PCDHA4: variants seen among roughly 807,000 people sequenced by gnomAD.
PCDHA4 encodes protocadherin alpha 4.
Under a neutral mutation model 61.4 loss-of-function variants are expected in PCDHA4, and 49 were observed. The ratio of observed to expected loss-of-function variants is 0.80; its 90% CI spans 0.63 to 1.01. The LOEUF (loss-of-function observed/expected upper bound fraction) is 1.01, where lower values mean the gene tolerates loss of function less well. Ranked by LOEUF, PCDHA4 falls within the 50% of genes least tolerant of loss-of-function variation. PCDHA4 has a pLI of 0.00. For missense variants in PCDHA4, 1,254 were observed against 1,235.8 expected (o/e 1.01, Z -0.22); for synonymous variants, 590 against 550.3 (o/e 1.07, Z -1.01).
Position 140,856,641 on chromosome 5 carries a change from T to G in PCDHA4, c.2385+47069T>G, listed in dbSNP as rs1554148950. On this transcript the variant is annotated intron_variant, in intron 1 of 3. Coordinates refer to ENST00000530339, the MANE Select transcript of PCDHA4 (RefSeq NM_018907.4). ...TTCCCAGTGCTTGTTCTGCGGAAGC[T>G]GCTGGATCGTGAAGAAAATCCTCAG... 4.4e-6 allele frequency: 7 copies of G among 1,598,334 alleles called. 1 individual carries two copies. The highest frequency in any genetic ancestry group is 5.1e-6 in the Non-Finnish European group (6 of 1,167,764).
chr5:140,984,969 G>A (rs1045140349), intron 3 of PCDHA4, among the ~76,000 whole-genome samples: 8 of 151,670 alleles, frequency 5.3e-5, no homozygotes, highest in South Asian at 2.1e-4. Context: ...ACAGAGTCTC[G>A]CTCTGTCCCC....
chr5:140,957,254 A>T (rs2095344725), intron 1 of PCDHA4, among the ~76,000 whole-genome samples: 1 of 152,192 alleles, frequency 6.6e-6, no homozygotes, highest in Non-Finnish European at 1.5e-5. Flanking sequence ...TAAAATTTAA[A>T]TATGTAAGCA....
intron 3 of PCDHA4, among the ~76,000 whole-genome samples, chr5:141,003,459 GCAC>G (rs1442979686): frequency 6.6e-6 from 1 of 152,028 alleles, no homozygotes; most frequent in African/African-American, 2.4e-5. Context: ...TTACAGGCGT[GCAC>G]CACCACAGTC....
At chr5:140,835,658 T>G (rs2150240988) in intron 1 of PCDHA4, 43 of 1,613,884 alleles carry the variant, frequency 2.7e-5, no homozygotes, top group African/African-American at 2.3e-4. Context: ...AGCTGGTGGT[T>G]ACCGCGCGGG....
intron 1 of PCDHA4, chr5:140,884,155 C>G: frequency 6.2e-7 from 1 of 1,613,430 alleles, no homozygotes; most frequent in Non-Finnish European, 8.5e-7. Context: ...TGTACACTGG[C>G]GAGATCAGCA....
At chr5:140,827,617 C>G (rs2150148430) in intron 1 of PCDHA4, among the ~76,000 whole-genome samples, 1 of 152,176 alleles carries the variant, frequency 6.6e-6, no homozygotes, top group Non-Finnish European at 1.5e-5. Context: ...TTCTTTTCTA[C>G]CAAGAGTGTA....
chr5:140,882,261 AGTGTACCATGCT>A (rs1554173264), intron 1 of PCDHA4: 1 of 1,604,356 alleles, frequency 6.2e-7, no homozygotes, highest in Non-Finnish European at 8.5e-7. Flanking sequence ...AGGTTTTTGG[AGTGTACCATGCT>A]GTCTTCCTGG....
intron 1 of PCDHA4, among the ~76,000 whole-genome samples, chr5:140,887,198 G>T (rs1276345927): frequency 6.6e-6 from 1 of 151,492 alleles, no homozygotes; most frequent in Admixed American, 6.6e-5. Flanking sequence ...CCGGGTTCAC[G>T]CCATTCTCCT....
At chr5:140,912,864 T>C (rs1483499385) in intron 1 of PCDHA4, among the ~76,000 whole-genome samples, 1 of 152,212 alleles carries the variant, frequency 6.6e-6, no homozygotes, top group East Asian at 1.9e-4. Context: ...TGAAATGATA[T>C]ATGGTTTTTG....
At chr5:140,815,485 A>C (rs1296934690) in intron 1 of PCDHA4, 1 of 151,992 alleles carries the variant, frequency 6.6e-6, no homozygotes, top group Admixed American at 6.6e-5. Flanking sequence ...TCCCCTACCC[A>C]AATTTTATGT....
chr5:140,989,422 TG>T (rs1554250798), intron 3 of PCDHA4, among the ~76,000 whole-genome samples: 2 of 152,128 alleles, frequency 1.3e-5, no homozygotes, highest in African/African-American at 4.8e-5. Flanking sequence ...CTTCACTCTG[TG>T]GGAAAAATTG....
chr5:140,910,976 A>G (rs1265082758), intron 1 of PCDHA4, among the ~76,000 whole-genome samples: 1 of 152,058 alleles, frequency 6.6e-6, no homozygotes, highest in Non-Finnish European at 1.5e-5. Context: ...CTCATGGGTT[A>G]TACTCTGAAC....
At chr5:140,855,951 G>A (rs923077189) in intron 1 of PCDHA4, 2 of 1,372,088 alleles carry the variant, frequency 1.5e-6, no homozygotes, top group South Asian at 1.4e-5. Context: ...CAGCCATTTC[G>A]ATAAAAAATA....
intron 1 of PCDHA4, chr5:140,860,422 T>A (rs1554153353): frequency 1.3e-5 from 2 of 152,130 alleles, no homozygotes; most frequent in African/African-American, 4.8e-5. Context: ...ACCATTATCC[T>A]GCAAATATGA....
intron 1 of PCDHA4, among the ~76,000 whole-genome samples, chr5:140,899,629 G>T (rs2067446538): frequency 6.6e-6 from 1 of 152,116 alleles, no homozygotes; most frequent in African/African-American, 2.4e-5. Flanking sequence ...AAGGATATTG[G>T]TCTAAAATTC....
intron 1 of PCDHA4, among the ~76,000 whole-genome samples, chr5:140,944,130 G>C (rs141500614): frequency 3.9e-4 from 60 of 152,256 alleles, no homozygotes; most frequent in Non-Finnish European, 7.9e-4. Context: ...AGAAGAAAAG[G>C]TTGAAGATTA....
At chr5:140,831,487 G>GCAGC (rs1554133250) in intron 1 of PCDHA4, among the ~76,000 whole-genome samples, 60 of 89,824 alleles carry the variant, frequency 6.7e-4, no homozygotes, top group African/African-American at 2.9e-3. Flanking sequence ...AGCCTCTGGA[G>GCAGC]TTACTACACA....
In PCDHA4 at chr5:140,857,548, G is replaced by C. The variant is rs782667639; in HGVS notation, c.2385+47976G>C. Reference sequence around the variant, plus strand: ...CTCTGGTGGAGCGGCGGTTGGGCGAGCGCTCGCTGTCGAGCTACGTGTCGG... The same window carrying C: ...CTCTGGTGGAGCGGCGGTTGGGCGACCGCTCGCTGTCGAGCTACGTGTCGG... On this transcript the variant is annotated intron_variant, in intron 1 of 3. Coordinates refer to ENST00000530339, the MANE Select transcript of PCDHA4 (RefSeq NM_018907.4). The C allele has an allele frequency of 5.1e-5, 81 of 1,596,888 alleles. 3 individuals are homozygous for C. In the Middle Eastern group the frequency reaches 9.5e-4, roughly 19 times the overall value.
chr5:140,818,756 T>C (rs1766432143), intron 1 of PCDHA4, among the ~76,000 whole-genome samples: 1 of 152,212 alleles, frequency 6.6e-6, no homozygotes, highest in Non-Finnish European at 1.5e-5. Context: ...GAGGATGGCT[T>C]GAGCCTGAGG....
Sources: gnomAD v4.1 joint callset for allele counts (sites outside exome capture counted in the v4.1 genomes callset) on GRCh38, gnomAD v4.1.1 for gene constraint, MANE v1.5 for transcripts, NCBI Gene and HGNC (gene_info 2026-07-23, HGNC 2026-07-21) for gene names.